KCND2: variants seen among roughly 807,000 people sequenced by gnomAD.
KCND2 encodes the protein potassium voltage-gated channel subfamily D member 2, also known as A-type voltage-gated potassium channel KCND2.
Under a neutral mutation model 54.4 loss-of-function variants are expected in KCND2, and 16 were observed. The ratio of observed to expected loss-of-function variants is 0.29; its 90% confidence interval spans 0.20 to 0.45. The LOEUF is 0.45. Ranked by LOEUF, KCND2 falls within the 20% of genes least tolerant of loss-of-function variation. The probability of loss-of-function intolerance (pLI) is 1.00; values close to 1 mark genes in which losing one functional copy is unlikely to be tolerated. For synonymous variants in KCND2, 317 were observed against 310.7 expected (o/e 1.02, Z -0.21); for missense variants, 486 against 824.2 (o/e 0.59, Z 5.02).
At chr7:120,725,946 A>G (rs567488776) in intron 1 of KCND2, among the ~76,000 whole-genome samples, 2 of 152,278 alleles carry the variant, frequency 1.3e-5, no homozygotes, top group Admixed American at 1.3e-4. Context: ...AAAAATCTCT[A>G]ATTAGGGTGT....
chr7:120,595,497 A>G (rs190598970), intron 1 of KCND2, among the ~76,000 whole-genome samples: 6,209 of 134,350 alleles, frequency 0.046, 160 homozygotes, highest in Non-Finnish European at 0.067. Flanking sequence ...ATATATATAT[A>G]TGTGTGTGTG....
chr7:120,418,443 C>T (rs375380538), intron 1 of KCND2, among the ~76,000 whole-genome samples: 11 of 150,398 alleles, frequency 7.3e-5, no homozygotes, highest in African/African-American at 2.7e-4. Context: ...AGGCTACTTT[C>T]AGCAACCAAA....
intron 1 of KCND2, among the ~76,000 whole-genome samples, chr7:120,677,564 G>T (rs1453449363): frequency 5.1e-5 from 6 of 117,146 alleles, no homozygotes; most frequent in Admixed American, 3.3e-4. Context: ...TAGATATATA[G>T]ATATATAGAT....
At chr7:120,560,463 A>G (rs1792219930) in intron 1 of KCND2, among the ~76,000 whole-genome samples, 1 of 152,220 alleles carries the variant, frequency 6.6e-6, no homozygotes, top group African/African-American at 2.4e-5. Flanking sequence ...AGCCAATATC[A>G]TCTTAAATGA....
chr7:120,594,224 C>G (rs569952593), intron 1 of KCND2, among the ~76,000 whole-genome samples: 1 of 152,178 alleles, frequency 6.6e-6, no homozygotes, highest in African/African-American at 2.4e-5. Context: ...GTACTTTGAA[C>G]AAGTTTCTCA....
chr7:120,648,577 A>G (rs1793469874), intron 1 of KCND2, among the ~76,000 whole-genome samples: 1 of 152,198 alleles, frequency 6.6e-6, no homozygotes, highest in East Asian at 1.9e-4. Flanking sequence ...CAGGCAAAGA[A>G]GTGAAAAGGA....
intron 1 of KCND2, among the ~76,000 whole-genome samples, chr7:120,416,006 A>G (rs1181685895): frequency 2.0e-5 from 3 of 152,134 alleles, no homozygotes; most frequent in Admixed American, 2.0e-4. Context: ...TTTTACCTCC[A>G]GAGATATCTG....
intron 1 of KCND2, among the ~76,000 whole-genome samples, chr7:120,474,397 G>T (rs933229696): frequency 1.3e-5 from 2 of 152,122 alleles, no homozygotes; most frequent in Admixed American, 1.3e-4. Context: ...GAGTGCAGTG[G>T]TGCGATCTCG....
At chr7:120,650,766 A>G (rs1791719374) in intron 1 of KCND2, among the ~76,000 whole-genome samples, 1 of 143,092 alleles carries the variant, frequency 7.0e-6, no homozygotes, top group Admixed American at 6.8e-5. Flanking sequence ...TTGGTCTTTC[A>G]TGATGGTGAT....
chr7:120,390,598 T>A (rs1349167812), intron 1 of KCND2, among the ~76,000 whole-genome samples: 2 of 152,018 alleles, frequency 1.3e-5, no homozygotes, highest in Admixed American at 6.6e-5. Context: ...ACTTCTCCCA[T>A]CAAAAGTTAT....
chr7:120,502,965 A>G (rs1028949261), intron 1 of KCND2, among the ~76,000 whole-genome samples: 1 of 151,978 alleles, frequency 6.6e-6, no homozygotes, highest in Non-Finnish European at 1.5e-5. Context: ...TAGCTATTTT[A>G]TATGTTTGAA....
At chr7:120,316,886 A>T (rs1032041978) in intron 1 of KCND2, among the ~76,000 whole-genome samples, 1 of 150,244 alleles carries the variant, frequency 6.7e-6, no homozygotes, top group Non-Finnish European at 1.5e-5. Flanking sequence ...ACCAGGCTGG[A>T]GTGTAGTGGT....
intron 1 of KCND2, among the ~76,000 whole-genome samples, chr7:120,528,380 T>G (rs958139533): frequency 6.6e-6 from 1 of 152,134 alleles, no homozygotes; most frequent in African/African-American, 2.4e-5. Flanking sequence ...AAAAACAAAT[T>G]GATGACACAT....
At chr7:120,697,638 A>G (rs1329973719) in intron 1 of KCND2, among the ~76,000 whole-genome samples, 1 of 152,216 alleles carries the variant, frequency 6.6e-6, no homozygotes, top group African/African-American at 2.4e-5. Flanking sequence ...GGAAGCAGTA[A>G]GTTTACCCCA....
chr7:120,408,116 T>C (rs1801389735), intron 1 of KCND2, among the ~76,000 whole-genome samples: 1 of 151,862 alleles, frequency 6.6e-6, no homozygotes, highest in South Asian at 2.1e-4. Context: ...TTAGGGAATA[T>C]AATTATAAAC....
intron 1 of KCND2, among the ~76,000 whole-genome samples, chr7:120,668,299 G>A (rs1791952041): frequency 6.6e-6 from 1 of 152,022 alleles, no homozygotes; most frequent in Admixed American, 6.6e-5. Flanking sequence ...GTGTCAAGAT[G>A]TAAAGCAGTA....
chr7:120,520,200 T>C (rs1306203807), intron 1 of KCND2, among the ~76,000 whole-genome samples: 1 of 152,108 alleles, frequency 6.6e-6, no homozygotes, highest in East Asian at 1.9e-4. Flanking sequence ...GTAATATTTA[T>C]GTATAAGTAG....
At position 120,717,689 on chromosome 7, in the gene KCND2, G is replaced by A. The variant is rs149646152; in HGVS notation, c.1116-15214G>A. On this transcript the variant is annotated intron_variant, in intron 1 of 5. Transcript: ENST00000331113. ...TAAGATTATCCTGCAGCTAGGAGGT[G>A]CCTGGACGCCTCTTAAAAACCACAT... Among the ~76,000 whole-genome samples, 666 of 152,114 alleles carry A rather than the reference G, an allele frequency of 4.4e-3. 5 individuals carry two copies. Among genetic ancestry groups the A allele is most frequent in the African/African-American group, 0.015 (639 of 41,520 alleles).
At chr7:120,429,599 G>A (rs903898999) in intron 1 of KCND2, among the ~76,000 whole-genome samples, 1 of 152,168 alleles carries the variant, frequency 6.6e-6, no homozygotes, top group Non-Finnish European at 1.5e-5. Context: ...GAACTCGTCA[G>A]TTTTTCCATG....
Sources: allele counts gnomAD v4.1 joint callset (sites outside exome capture counted in the v4.1 genomes callset), GRCh38; gene constraint gnomAD v4.1.1; transcripts MANE v1.5; gene names NCBI Gene and HGNC (gene_info 2026-07-23, HGNC 2026-07-21).